Variants in RASA3 observed in about 807,000 individuals in gnomAD.
RASA3 encodes ras GTPase-activating protein 3.
RASA3 carries 73 observed loss-of-function variants against 110.0 expected under a neutral mutation model. That is an observed-to-expected ratio of 0.66 (90% CI 0.55 to 0.81). RASA3 has a LOEUF of 0.81. Among genes scored for constraint, RASA3 ranks in the 30% least tolerant of loss-of-function variants. The probability of loss-of-function intolerance (pLI) is 0.00; values close to 1 mark genes in which losing one functional copy is unlikely to be tolerated. For synonymous variants in RASA3, 500 were observed against 451.4 expected (o/e 1.11, Z -1.37); for missense variants, 976 against 1,113.2 (o/e 0.88, Z 1.75).
In RASA3 at chr13:114,005,206, C is replaced by T. The variant is rs145760298; in HGVS notation, c.1742+2327G>A. ...GTTCAGGTGACGGTTTCACGAGAAG[C>T]CCCATCCAATACAACTGCACTTGTG... is the stretch of plus-strand genomic sequence containing the variant. On this transcript the variant is annotated intron_variant, in intron 18 of 23. Coordinates refer to ENST00000334062, the MANE Select transcript of RASA3 (RefSeq NM_007368.4). Among the ~76,000 whole-genome samples the T allele has an allele frequency of 2.8e-4, 42 of 152,306 alleles. No individual in the cohort carries two copies. The East Asian group carries it at 4.8e-3, about 18-fold the overall frequency.
chr13:114,034,973 T>A (rs1364004531), intron 4 of RASA3, among the ~76,000 whole-genome samples: 1 of 147,816 alleles, frequency 6.8e-6, no homozygotes, highest in African/African-American at 2.5e-5. Flanking sequence ...AACGCTGACC[T>A]GAGCTTAGAG....
rs945315518 is a variant in RASA3 at position 114,114,168 on chromosome 13, C to G, written c.55+18267G>C. On this transcript the variant is annotated intron_variant, in intron 1 of 23. Coordinates refer to ENST00000334062, the MANE Select transcript of RASA3 (RefSeq NM_007368.4). This position sits in a 1 kb window ranked among gnomAD's most constrained non-coding sequence, Gnocchi z 4.8. ...TCACCATGTCCATCAATCCACCCCA[C>G]CACGGTGAGCGTCTGCGATGTCCGT... 1.3e-5 allele frequency among the ~76,000 whole-genome samples: 2 copies of G among 152,226 alleles called. No individual in the cohort carries two copies. Among genetic ancestry groups the G allele is most frequent in the African/African-American group, 2.4e-5 (1 of 41,460 alleles).
chr13:114,057,187 A>G lies in RASA3; in HGVS notation c.174-5032T>C, dbSNP rs750881091. 5.9e-5 allele frequency: 58 copies of G among 981,624 alleles called. No homozygotes were observed. Among genetic ancestry groups the G allele is most frequent in the Non-Finnish European group, 6.5e-5 (54 of 826,652 alleles). The allele number at this position is 981,624 out of a possible 1,614,324, so 60.8% of individuals were successfully genotyped here. On this transcript the variant is annotated intron_variant, in intron 2 of 23. Transcript: ENST00000334062. The surrounding 1 kb of genome is among the most constrained non-coding windows in gnomAD (Gnocchi z 5.0). ...TGCCTATTTTAATGTTTTTCTTCTT[A>G]TTTCATATAACTTTTTAAACTTAAA...
At chr13:113,990,305 C>T (rs1309647504) in intron 22 of RASA3, among the ~76,000 whole-genome samples, 1 of 152,158 alleles carries the variant, frequency 6.6e-6, no homozygotes, top group African/African-American at 2.4e-5. Context: ...CCAAGGTAAA[C>T]AGGGTCTGCC....
At chr13:113,988,408 C>T (rs1389793613) in intron 22 of RASA3, among the ~76,000 whole-genome samples, 1 of 8,098 alleles carries the variant, frequency 1.2e-4, no homozygotes, top group Non-Finnish European at 1.8e-4. Flanking sequence ...CTCACCCATC[C>T]GTCCATCCAC....
chr13:114,088,654 C>CA (rs1303689354), intron 1 of RASA3, among the ~76,000 whole-genome samples: 1 of 151,894 alleles, frequency 6.6e-6, no homozygotes, highest in African/African-American at 2.4e-5. Context: ...CAGGTTCAAA[C>CA]AGTCTCCTGC....
At position 114,056,258 on chromosome 13, in the gene RASA3, G is replaced by A. The variant is rs1225444697; in HGVS notation, c.174-4103C>T. On this transcript the variant is annotated intron_variant, in intron 2 of 23. Transcript: ENST00000334062. The surrounding 1 kb of genome is among the most constrained non-coding windows in gnomAD (Gnocchi z 5.7). Reference sequence around the variant, plus strand: ...CTGGTGAGTGGTGAGTGTCTGGTGTGTGTCTGATGTGTGTCTGATGCATAT... The same window carrying A: ...CTGGTGAGTGGTGAGTGTCTGGTGTATGTCTGATGTGTGTCTGATGCATAT... Among the ~76,000 whole-genome samples, 1 of 152,136 alleles carries A rather than the reference G, an allele frequency of 6.6e-6. No homozygotes were observed. Among genetic ancestry groups the A allele is most frequent in the Non-Finnish European group, 1.5e-5 (1 of 68,028 alleles).
Position 114,100,820 on chromosome 13 carries a change from C to T in RASA3, c.56-26983G>A, listed in dbSNP as rs549158726. 4.1e-3 allele frequency among the ~76,000 whole-genome samples: 626 copies of T among 152,342 alleles called. 1 individual carries two copies. The highest frequency in any genetic ancestry group is 7.3e-3 in the Admixed American group (111 of 15,306). Reference sequence around the variant, plus strand: ...ACCGGAAGCCGTGGAGCCCGGGCCCCATGCGTCTGTGTTCTCGCCACCTGG... The same window carrying T: ...ACCGGAAGCCGTGGAGCCCGGGCCCTATGCGTCTGTGTTCTCGCCACCTGG... On this transcript the variant is annotated intron_variant, in intron 1 of 23. Transcript: ENST00000334062.
At chr13:114,095,414 C>T (rs901228557) in intron 1 of RASA3, among the ~76,000 whole-genome samples, 6 of 152,144 alleles carry the variant, frequency 3.9e-5, no homozygotes, top group African/African-American at 9.7e-5. Flanking sequence ...TCCCTACAGT[C>T]CCTGGCATCC....
chr13:114,078,670 C>A (rs995614675), intron 1 of RASA3, among the ~76,000 whole-genome samples: 1 of 152,242 alleles, frequency 6.6e-6, no homozygotes, highest in African/African-American at 2.4e-5. Context: ...ATTTCCAACT[C>A]CAGGGATCAG....
chr13:114,119,482 GC>G (rs111721425), intron 1 of RASA3, among the ~76,000 whole-genome samples: 1 of 110,538 alleles, frequency 9.0e-6, no homozygotes, highest in Non-Finnish European at 2.2e-5. Context: ...AACCAGCAGG[GC>G]CCCCCTCCCC....
chr13:114,049,165 G>T (rs2079102876), intron 3 of RASA3, among the ~76,000 whole-genome samples: 1 of 152,082 alleles, frequency 6.6e-6, no homozygotes, highest in Admixed American at 6.6e-5. Context: ...GTTTCCTCAG[G>T]GCGTGGGCGG....
chr13:113,981,598 C>G lies in RASA3; in HGVS notation c.2429+77G>C, dbSNP rs9743405. On this transcript the variant is annotated intron_variant, in intron 23 of 23. Transcript: ENST00000334062. Reference sequence around the variant, plus strand: ...GCACGGGCGGCCCCACCCGGGAGCTCCCTGCAGCCCCACCCCCACTGCAAT... The same window carrying G: ...GCACGGGCGGCCCCACCCGGGAGCTGCCTGCAGCCCCACCCCCACTGCAAT... The G allele has an allele frequency of 2.2e-3, 3,298 of 1,514,286 alleles. 51 individuals carry two copies. The African/African-American group carries it at 0.041, about 19-fold the overall frequency. 93.8% of individuals were successfully genotyped at this position (1,514,286 alleles called of 1,614,324 possible).
Position 113,991,080 on chromosome 13 carries a change from C to T in RASA3, c.2245+1405G>A, listed in dbSNP as rs149014710. On this transcript the variant is annotated intron_variant, in intron 22 of 23. Transcript: ENST00000334062. ...ACCCAGGGCATGTGGGGCTGGAGAA[C>T]AGGCGTGGCCAAGCTCACAGATGGG... Among the ~76,000 whole-genome samples, 145 of 15,214 alleles carry T rather than the reference C, an allele frequency of 9.5e-3. 41 individuals carry two copies. The highest frequency in any genetic ancestry group is 0.047 in the African/African-American group (42 of 886). The allele number at this position is 15,214 out of a possible 152,430, so 10.0% of individuals were successfully genotyped here. A position where few individuals can be genotyped will look rare whatever the true frequency, so the allele number is the denominator to read the frequency against.
At chr13:114,070,835 C>T (rs1036029733) in intron 2 of RASA3, among the ~76,000 whole-genome samples, 1 of 136,386 alleles carries the variant, frequency 7.3e-6, no homozygotes, top group African/African-American at 2.8e-5. Flanking sequence ...GGGCTGCCGG[C>T]GTCCACGCTA....
chr13:114,021,004 C>A (rs2053916344), intron 9 of RASA3, among the ~76,000 whole-genome samples: 1 of 152,040 alleles, frequency 6.6e-6, no homozygotes, highest in African/African-American at 2.4e-5. Context: ...ACCCCACGAG[C>A]TGCTCACAGC....
chr13:114,007,493 T>A (rs773223300), intron 18 of RASA3, 40 bp downstream of exon 18: 1 of 1,422,446 alleles, frequency 7.0e-7, no homozygotes, highest in South Asian at 1.2e-5. Flanking sequence ...CTTACCCTTC[T>A]CCCCTCCTGC....
rs2053584617 is a variant in RASA3, at chr13:114,009,417, A to T, written c.1638T>A (p.Asn546Lys). The T allele has an allele frequency of 6.2e-7, 1 of 1,612,462 alleles. No individual in the cohort carries two copies. Among genetic ancestry groups the T allele is most frequent in the Non-Finnish European group, 8.5e-7 (1 of 1,179,646 alleles). Residue 546 changes from asparagine to lysine, a missense_variant, in exon 17 of 24, where the codon AAT (asparagine) becomes AAA (lysine). By Grantham distance (94) the Asn-to-Lys change is moderately conservative (BLOSUM62 0). Coordinates refer to ENST00000334062, the MANE Select transcript of RASA3 (RefSeq NM_007368.4). ...TCACCGCATCAGCATATTTCTGCTC[A>T]TTGAAGAATTCATAAAATGTAGCCA... ...SYMATFYEFFNEQKYADAVKN... is the reference protein window; with the variant it reads ...SYMATFYEFFKEQKYADAVKN...
rs563439534 is a variant in RASA3, at chr13:113,979,967, C to A, written c.2430-545G>T. Among the ~76,000 whole-genome samples the A allele has an allele frequency of 1.0e-4, 15 of 148,478 alleles. No homozygotes were observed. The East Asian group carries it at 3.1e-3, about 30-fold the overall frequency. ...TCCTCCCACGTGTGTGCACCTCCTT[C>A]CACGTGTACCTCCTCCCATGTGTGT... On this transcript the variant is annotated intron_variant, in intron 23 of 23. Coordinates refer to ENST00000334062, the MANE Select transcript of RASA3 (RefSeq NM_007368.4).
Sources: allele counts gnomAD v4.1 joint callset (sites outside exome capture counted in the v4.1 genomes callset), GRCh38; gene constraint gnomAD v4.1.1; non-coding constraint Gnocchi (gnomAD v3.1); transcripts MANE v1.5; gene names NCBI Gene and HGNC (gene_info 2026-07-23, HGNC 2026-07-21).